The following GPC6 variants were observed in gnomAD, a reference collection of about 807,000 sequenced individuals.
The protein encoded by GPC6 is glypican 6.
A neutral mutation model predicts 55.2 loss-of-function variants in GPC6; 14 were observed. The ratio of observed to expected loss-of-function variants is 0.25; its 90% confidence interval spans 0.17 to 0.40. The LOEUF is 0.40. Among genes scored for constraint, GPC6 ranks in the 10% least tolerant of loss-of-function variants. GPC6 has a pLI of 1.00. For missense variants in GPC6, 641 were observed against 708.5 expected, an observed-to-expected ratio of 0.90 and a Z score of 1.08; for synonymous variants, 278 against 259.6, an observed-to-expected ratio of 1.07 and a Z score of -0.68.
chr13:93,545,168 C>T (rs1388099149), intron 1 of GPC6, 95 bp from the exon 2 acceptor site: 3 of 1,048,066 alleles, frequency 2.9e-6, no homozygotes, highest in East Asian at 4.8e-5. Flanking sequence ...GGAACAAGCA[C>T]CCTGAGATTT....
At chr13:94,275,927 T>G (rs1892188453) in intron 4 of GPC6, among the ~76,000 whole-genome samples, 1 of 152,226 alleles carries the variant, frequency 6.6e-6, no homozygotes, top group Admixed American at 6.5e-5. Flanking sequence ...CGTTTGATCT[T>G]AACATATCAA....
At chr13:93,920,515 ATTCT>A in intron 3 of GPC6, among the ~76,000 whole-genome samples, 1 of 152,288 alleles carries the variant, frequency 6.6e-6, no homozygotes, top group East Asian at 1.9e-4. Context: ...AACTGAACTC[ATTCT>A]ATTTCCCCTA....
chr13:94,225,168 A>G (rs1890508137), intron 4 of GPC6, among the ~76,000 whole-genome samples: 1 of 152,096 alleles, frequency 6.6e-6, no homozygotes, highest in South Asian at 2.1e-4. Context: ...GCCCTCTTCA[A>G]TTAGGGCATG....
intron 3 of GPC6, among the ~76,000 whole-genome samples, chr13:94,008,599 C>T (rs955458488): frequency 2.6e-5 from 4 of 152,072 alleles, no homozygotes; most frequent in Admixed American, 2.6e-4. Context: ...TTGCAGTGCG[C>T]CGAGATCATG....
At chr13:94,236,716 T>A (rs914757113) in intron 4 of GPC6, among the ~76,000 whole-genome samples, 1 of 152,082 alleles carries the variant, frequency 6.6e-6, no homozygotes, top group African/African-American at 2.4e-5. Flanking sequence ...ATTCTACAAG[T>A]ATTTCCTTTA....
chr13:94,320,177 C>T (rs1198739709), intron 6 of GPC6, among the ~76,000 whole-genome samples: 1 of 152,188 alleles, frequency 6.6e-6, no homozygotes, highest in African/African-American at 2.4e-5. Flanking sequence ...TTAAACCCAG[C>T]CACTTAGTTT....
chr13:93,642,058 T>C (rs180975519), intron 2 of GPC6, among the ~76,000 whole-genome samples: 1 of 152,158 alleles, frequency 6.6e-6, no homozygotes, highest in Admixed American at 6.6e-5. Context: ...CAAAGCTATA[T>C]TGCATGATAT....
chr13:93,403,704 C>T (rs2139235459), intron 1 of GPC6, among the ~76,000 whole-genome samples: 1 of 152,258 alleles, frequency 6.6e-6, no homozygotes, highest in South Asian at 2.1e-4. Flanking sequence ...TCTAGTCCAG[C>T]TTGGCTCGCT....
At chr13:93,840,557 T>C (rs1887914400) in intron 3 of GPC6, among the ~76,000 whole-genome samples, 1 of 81,398 alleles carries the variant, frequency 1.2e-5, no homozygotes, top group Non-Finnish European at 2.3e-5. Context: ...ATTTTGTTGA[T>C]ATGTTGGGTT....
chr13:93,567,864 T>G (rs150055543), intron 2 of GPC6, among the ~76,000 whole-genome samples: 54 of 152,298 alleles, frequency 3.5e-4, no homozygotes, highest in Non-Finnish European at 6.5e-4. Context: ...AATTAGTGGT[T>G]CAGCTGGTTT....
At chr13:93,893,819 T>C (rs1217072580) in intron 3 of GPC6, among the ~76,000 whole-genome samples, 1 of 152,212 alleles carries the variant, frequency 6.6e-6, no homozygotes, top group African/African-American at 2.4e-5. Context: ...AATTAATTTT[T>C]TTCATCTTTC....
intron 2 of GPC6, among the ~76,000 whole-genome samples, chr13:93,650,498 G>GA (rs869200199): frequency 9.4e-5 from 8 of 85,134 alleles, no homozygotes; most frequent in African/African-American, 2.0e-4. Context: ...GCTGCGAACT[G>GA]AAAAAAAATA....
intron 2 of GPC6, among the ~76,000 whole-genome samples, chr13:93,713,033 G>T (rs886753737): frequency 4.0e-5 from 6 of 151,398 alleles, no homozygotes; most frequent in Non-Finnish European, 7.4e-5. Flanking sequence ...ATATATTTAT[G>T]TATGTATTTA....
intron 4 of GPC6, among the ~76,000 whole-genome samples, chr13:94,183,610 T>G (rs925158710): frequency 2.6e-5 from 4 of 152,130 alleles, no homozygotes; most frequent in South Asian, 4.1e-4. Context: ...ATATGGTAAT[T>G]TTATGTTTAA....
chr13:94,313,893 A>G (rs1876385394), intron 6 of GPC6, among the ~76,000 whole-genome samples: 1 of 152,232 alleles, frequency 6.6e-6, no homozygotes, highest in South Asian at 2.1e-4. Flanking sequence ...ATTTTATGGC[A>G]TGTTGATATG....
chr13:93,917,420 G>C (rs1877346655), intron 3 of GPC6, among the ~76,000 whole-genome samples: 2 of 152,068 alleles, frequency 1.3e-5, no homozygotes, highest in South Asian at 4.2e-4. Flanking sequence ...ACATTGTATG[G>C]AGTTCTATTT....
At chr13:93,888,742 C>T (rs1451131925) in intron 3 of GPC6, among the ~76,000 whole-genome samples, 1 of 152,092 alleles carries the variant, frequency 6.6e-6, no homozygotes. Context: ...ATTTTCAGAA[C>T]ACATAGTCCC....
At chr13:93,898,966 T>TATATATATATATATATACAC (rs1251225383) in intron 3 of GPC6, among the ~76,000 whole-genome samples, 3 of 137,090 alleles carry the variant, frequency 2.2e-5, no homozygotes, top group African/African-American at 8.0e-5. Context: ...TATATATATA[T>TATATATATATATATATACAC]ACACACACAT....
intron 1 of GPC6, among the ~76,000 whole-genome samples, chr13:93,400,202 C>G (rs1876016517): frequency 6.6e-6 from 1 of 152,130 alleles, no homozygotes; most frequent in African/African-American, 2.4e-5. Flanking sequence ...ATTATGAATT[C>G]TTTCTTCCCT....
Sources: gnomAD v4.1 joint callset for allele counts (sites outside exome capture counted in the v4.1 genomes callset) on GRCh38, gnomAD v4.1.1 for gene constraint, MANE v1.5 for transcripts, NCBI Gene and HGNC (gene_info 2026-07-23, HGNC 2026-07-21) for gene names.